Variants in RALGAPA2 observed in about 807,000 individuals in gnomAD.
RALGAPA2 encodes ral GTPase-activating protein subunit alpha-2.
Under a neutral mutation model 230.4 loss-of-function variants are expected in RALGAPA2, and 139 were observed. The ratio of observed to expected loss-of-function variants is 0.60; its 90% confidence interval spans 0.53 to 0.69. RALGAPA2 has a LOEUF of 0.69. RALGAPA2 is among the 30% of genes least tolerant of loss of function. The pLI, the probability that RALGAPA2 is intolerant of heterozygous loss-of-function variation, is 0.00. For missense variants in RALGAPA2, 2,163 were observed against 2,276.0 expected, an observed-to-expected ratio of 0.95 and a Z score of 1.01; for synonymous variants, 847 against 837.8, an observed-to-expected ratio of 1.01 and a Z score of -0.19.
intron 37 of RALGAPA2, among the ~76,000 whole-genome samples, chr20:20,458,479 A>C (rs946023641): frequency 2.2e-5 from 3 of 138,940 alleles, no homozygotes; most frequent in Non-Finnish European, 3.0e-5. Context: ...AATATATAAT[A>C]TATATGTATT....
At chr20:20,575,405 GT>G (rs777780570) in intron 20 of RALGAPA2, among the ~76,000 whole-genome samples, 2,844 of 138,816 alleles carry the variant, frequency 0.02, 34 homozygotes, top group Non-Finnish European at 0.031. Context: ...TGTTGAGTTT[GT>G]TTTTTTTTTT....
At chr20:20,615,997 C>A (rs1208759337) in intron 13 of RALGAPA2, 46 bp downstream of exon 13, 2 of 1,301,648 alleles carry the variant, frequency 1.5e-6, no homozygotes, top group Non-Finnish European at 2.0e-6. Context: ...TGTTGAAAAA[C>A]AGAAACATCT....
intron 1 of RALGAPA2, among the ~76,000 whole-genome samples, chr20:20,709,406 G>A (rs964300386): frequency 6.6e-6 from 1 of 151,958 alleles, no homozygotes; most frequent in African/African-American, 2.4e-5. Flanking sequence ...GAGATTACTC[G>A]AGCCAGGGAG....
intron 25 of RALGAPA2, 65 bp downstream of exon 25, chr20:20,536,591 G>A: frequency 1.3e-6 from 2 of 1,534,488 alleles, no homozygotes; most frequent in Non-Finnish European, 1.8e-6. Flanking sequence ...TAATGGAAGA[G>A]ATAATCATAC....
chr20:20,441,042 C>A (rs1030416686), intron 37 of RALGAPA2, among the ~76,000 whole-genome samples: 8 of 152,210 alleles, frequency 5.3e-5, no homozygotes, highest in African/African-American at 1.4e-4. Context: ...CAGTTAGTGG[C>A]CAAATGCTTC....
At position 20,625,943 on chromosome 20, in the gene RALGAPA2, C is replaced by T. The variant is rs2066477754; in HGVS notation, c.1233+3420G>A. ...CACCCACATTCAACTCACTGAACTACCCAGTCCAAGGTGACCCACACCAGG... is the reference window on the plus strand; with the variant it reads ...CACCCACATTCAACTCACTGAACTATCCAGTCCAAGGTGACCCACACCAGG... On this transcript the variant is annotated intron_variant, in intron 10 of 39. Coordinates refer to ENST00000202677, the MANE Select transcript of RALGAPA2 (RefSeq NM_020343.4). 2.0e-5 allele frequency among the ~76,000 whole-genome samples: 3 copies of T among 152,178 alleles called. No homozygotes were observed. In the South Asian group the frequency reaches 6.2e-4, roughly 32 times the overall value.
intron 9 of RALGAPA2, 36 bp downstream of exon 9, chr20:20,635,382 A>G: frequency 6.6e-7 from 1 of 1,526,022 alleles, no homozygotes; most frequent in South Asian, 1.2e-5. Context: ...TTTATTACAC[A>G]AGCATTAACA....
chr20:20,584,259 A>G (rs549702516), intron 19 of RALGAPA2, among the ~76,000 whole-genome samples: 13 of 152,138 alleles, frequency 8.5e-5, no homozygotes, highest in Non-Finnish European at 1.6e-4. Flanking sequence ...ATTGACTTCA[A>G]TGTACTTCTG....
At chr20:20,475,557 C>T (rs911799103) in intron 36 of RALGAPA2, among the ~76,000 whole-genome samples, 1 of 151,908 alleles carries the variant, frequency 6.6e-6, no homozygotes, top group Non-Finnish European at 1.5e-5. Flanking sequence ...CAAAACAGAA[C>T]AAAAACTCTC....
intron 39 of RALGAPA2, 118 bp from the exon 40 acceptor site, chr20:20,393,371 G>A (rs1689960926): frequency 1.4e-6 from 1 of 728,406 alleles, no homozygotes; most frequent in Non-Finnish European, 1.9e-6. Context: ...GAAGGGTCTG[G>A]TGACCTCCTC....
At chr20:20,504,005 T>C (rs1018324738) in intron 34 of RALGAPA2, among the ~76,000 whole-genome samples, 1 of 152,170 alleles carries the variant, frequency 6.6e-6, no homozygotes, top group Non-Finnish European at 1.5e-5. Context: ...AGTTTATGAG[T>C]CATAATTCAA....
chr20:20,514,453 C>T (rs370325347), intron 31 of RALGAPA2, among the ~76,000 whole-genome samples: 6 of 152,002 alleles, frequency 3.9e-5, no homozygotes, highest in South Asian at 2.1e-4. Flanking sequence ...CCTCCTCTGC[C>T]GAGATCCTGG....
chr20:20,534,271 C>T (rs2063442299), intron 26 of RALGAPA2, among the ~76,000 whole-genome samples: 1 of 152,034 alleles, frequency 6.6e-6, no homozygotes, highest in Non-Finnish European at 1.5e-5. Flanking sequence ...GGTGAAATCC[C>T]GTCTCTACTA....
intron 2 of RALGAPA2, among the ~76,000 whole-genome samples, chr20:20,678,806 T>C (rs1050223739): frequency 6.6e-6 from 1 of 152,136 alleles, no homozygotes; most frequent in Non-Finnish European, 1.5e-5. Context: ...TCCATCTGTT[T>C]GGCTTCCGAC....
Position 20,606,421 on chromosome 20 carries a change from T to C in RALGAPA2, c.1801-1009A>G, listed in dbSNP as rs949809849. Among the ~76,000 whole-genome samples the C allele has an allele frequency of 3.3e-5, 5 of 152,188 alleles. No individual in the cohort carries two copies. The East Asian group carries it at 9.6e-4, about 29-fold the overall frequency. ...CTAGACAGTGCTACTTACACAACCC[T>C]CAGGCACCTATCAAAGAGCATAATA... On this transcript the variant is annotated intron_variant, in intron 14 of 39. Coordinates refer to ENST00000202677, the MANE Select transcript of RALGAPA2 (RefSeq NM_020343.4).
intron 10 of RALGAPA2, among the ~76,000 whole-genome samples, chr20:20,627,481 G>A (rs2066524400): frequency 6.6e-6 from 1 of 151,652 alleles, no homozygotes; most frequent in South Asian, 2.1e-4. Context: ...TGTCTACATT[G>A]TTCAGTGACA....
intron 37 of RALGAPA2, among the ~76,000 whole-genome samples, chr20:20,455,297 AG>A (rs1186946288): frequency 6.6e-6 from 1 of 152,244 alleles, no homozygotes; most frequent in East Asian, 1.9e-4. Context: ...AGAGACAGAC[AG>A]CTCAAGTATC....
intron 30 of RALGAPA2, among the ~76,000 whole-genome samples, chr20:20,522,377 C>T (rs927820637): frequency 6.6e-6 from 1 of 151,868 alleles, no homozygotes; most frequent in Non-Finnish European, 1.5e-5. Flanking sequence ...TATATATCAC[C>T]AAGAGTGAAA....
At chr20:20,483,172 G>A (rs1164532815) in intron 36 of RALGAPA2, among the ~76,000 whole-genome samples, 1 of 152,158 alleles carries the variant, frequency 6.6e-6, no homozygotes, top group Non-Finnish European at 1.5e-5. Context: ...GGTAAAGTCA[G>A]GTAGGAAAGA....
Sources: allele counts gnomAD v4.1 joint callset (sites outside exome capture counted in the v4.1 genomes callset), GRCh38; gene constraint gnomAD v4.1.1; transcripts MANE v1.5; gene names NCBI Gene and HGNC (gene_info 2026-07-23, HGNC 2026-07-21).